The following RAB3C variants were observed in gnomAD, a reference collection of about 807,000 sequenced individuals.
The protein encoded by RAB3C is ras-related protein Rab-3C.
A neutral mutation model predicts 26.4 loss-of-function variants in RAB3C; 17 were observed. The observed-to-expected ratio is 0.64, with a 90% confidence interval of 0.44 to 0.97. RAB3C has a LOEUF of 0.97. RAB3C is among the 50% of genes least tolerant of loss of function. The pLI is 0.00. For missense variants in RAB3C, 242 were observed against 281.9 expected (o/e 0.86, Z 1.01); for synonymous variants, 91 against 95.9 (o/e 0.95, Z 0.30).
In RAB3C at chr5:58,583,127, G is replaced by T; in HGVS notation, c.-82G>T. 3 of 1,608,208 alleles carry T rather than the reference G, an allele frequency of 1.9e-6. No homozygotes were observed. The highest frequency in any genetic ancestry group is 2.2e-5 in the East Asian group (1 of 44,760). ...ACCCCAAGAGTGCAGAGTGTGGAGC[G>T]TGGAGCGCCGGGACTGTGCACGCTT... On this transcript the variant is annotated 5_prime_UTR_variant, in exon 1 of 5. Coordinates refer to ENST00000282878, the MANE Select transcript of RAB3C (RefSeq NM_138453.4).
chr5:58,720,511 C>T (rs1054730338), intron 2 of RAB3C, among the ~76,000 whole-genome samples: 1 of 151,840 alleles, frequency 6.6e-6, no homozygotes, highest in Non-Finnish European at 1.5e-5. Flanking sequence ...TGCCTGAGTG[C>T]TCAATGACTA....
chr5:58,661,242 T>A (rs1484716478), intron 2 of RAB3C, among the ~76,000 whole-genome samples: 2 of 150,346 alleles, frequency 1.3e-5, no homozygotes, highest in Admixed American at 1.3e-4. Flanking sequence ...CTGCAGGTAT[T>A]ATTATACTCA....
intron 2 of RAB3C, among the ~76,000 whole-genome samples, chr5:58,620,117 C>A (rs1188587426): frequency 6.6e-6 from 1 of 152,156 alleles, no homozygotes; most frequent in East Asian, 1.9e-4. Flanking sequence ...GACAGTCAGG[C>A]CTGGGACCTC....
Position 58,856,184 on chromosome 5 carries a change from AC to A in RAB3C, c.*4834del, listed in dbSNP as rs755625293. The A allele has an allele frequency of 2.5e-4, 38 of 151,858 alleles. No individual in the cohort carries two copies. Among genetic ancestry groups the A allele is most frequent in the Admixed American group, 5.3e-4 (8 of 15,232 alleles). The allele number at this position is 151,858 out of a possible 1,614,324, so 9.4% of individuals were successfully genotyped here. A position where few individuals can be genotyped will look rare whatever the true frequency, so the allele number is the denominator to read the frequency against. ...ATGTTCCAGCTATAACTCACATCTTACTTATAAGGTCCATAAAATCGGTTCT... is the reference window on the plus strand; with the variant it reads ...ATGTTCCAGCTATAACTCACATCTTATTATAAGGTCCATAAAATCGGTTCT... On this transcript the variant is annotated 3_prime_UTR_variant, in exon 5 of 5. Coordinates refer to ENST00000282878, the MANE Select transcript of RAB3C (RefSeq NM_138453.4).
intron 1 of RAB3C, 176 bp from the exon 2 acceptor site, chr5:58,617,467 A>G (rs780862452): frequency 2.6e-6 from 2 of 770,174 alleles, no homozygotes; most frequent in Non-Finnish European, 4.8e-6. Context: ...CCAGCAGGGA[A>G]TTATTGCCAT....
At position 58,825,065 on chromosome 5, in the gene RAB3C, G is replaced by A; in HGVS notation, c.399G>A (p.Trp133Ter). The change falls in exon 4 of 5, where the codon TGG (tryptophan) becomes TGA (stop). Residue 133 changes from tryptophan (W) to a stop codon, truncating the protein, a stop_gained. Transcript: ENST00000282878. LOFTEE classifies it high-confidence loss of function. ...CAACTCAAATCAAAACATACTCTTG[G>A]GACAATGCCCAAGTTATTCTGGTTG... is the stretch of plus-strand genomic sequence containing the variant. ...DWSTQIKTYSWDNAQVILVGN... is the reference protein window; with the variant it reads ...DWSTQIKTYS 1 of 1,611,640 alleles carries A rather than the reference G, an allele frequency of 6.2e-7. No individual in the cohort carries two copies. The highest frequency in any genetic ancestry group is 8.5e-7 in the Non-Finnish European group (1 of 1,178,588).
At chr5:58,609,583 A>G (rs1458911251) in intron 1 of RAB3C, among the ~76,000 whole-genome samples, 1 of 152,160 alleles carries the variant, frequency 6.6e-6, no homozygotes, top group East Asian at 1.9e-4. Context: ...CACCTCTACT[A>G]AAGAAGCTAC....
intron 4 of RAB3C, among the ~76,000 whole-genome samples, chr5:58,849,754 T>C (rs1019828773): frequency 6.6e-6 from 1 of 152,238 alleles, no homozygotes; most frequent in South Asian, 2.1e-4. Context: ...TTGAACCAAA[T>C]AGTATAACGA....
chr5:58,644,084 G>T (rs1747468316), intron 2 of RAB3C, among the ~76,000 whole-genome samples: 1 of 152,176 alleles, frequency 6.6e-6, no homozygotes, highest in African/African-American at 2.4e-5. Flanking sequence ...GCCTCCCAAA[G>T]TGCTGAATTA....
intron 3 of RAB3C, among the ~76,000 whole-genome samples, chr5:58,737,443 AT>A (rs1561305262): frequency 0.068 from 2,695 of 39,522 alleles, 387 homozygotes; most frequent in Middle Eastern, 0.12. Context: ...ATATATATAT[AT>A]ATATAATTTA....
chr5:58,763,650 T>A (rs957448628), intron 3 of RAB3C, among the ~76,000 whole-genome samples: 9 of 152,180 alleles, frequency 5.9e-5, no homozygotes, highest in African/African-American at 2.2e-4. Flanking sequence ...TTACCACTCT[T>A]TCCACTCCCA....
chr5:58,671,559 T>TA (rs1388719299), intron 2 of RAB3C, among the ~76,000 whole-genome samples: 1 of 152,194 alleles, frequency 6.6e-6, no homozygotes, highest in Non-Finnish European at 1.5e-5. Context: ...ATTGTGCCCC[T>TA]AAAAATCACC....
At position 58,677,976 on chromosome 5, in the gene RAB3C, TTGTGTG is replaced by T. The variant is rs70973149; in HGVS notation, c.253-48005_253-48000del. Among the ~76,000 whole-genome samples the T allele has an allele frequency of 1.7e-4, 25 of 147,886 alleles. No individual in the cohort carries two copies. The South Asian group carries it at 4.8e-3, about 28-fold the overall frequency. ...ACTGGCAGGTAGTAGCTAGATTATT[TTGTGTG>T]TGTGTGTGTGTGTGTGTGTGCATGC... On this transcript the variant is annotated intron_variant, in intron 2 of 4. Transcript: ENST00000282878.
At chr5:58,615,789 T>C (rs2111718564) in intron 1 of RAB3C, among the ~76,000 whole-genome samples, 1 of 152,312 alleles carries the variant, frequency 6.6e-6, no homozygotes, top group South Asian at 2.1e-4. Flanking sequence ...TAAGAAAATG[T>C]AAAATGCAAT....
At chr5:58,818,043 TTC>T (rs931984778) in intron 3 of RAB3C, among the ~76,000 whole-genome samples, 20 of 152,322 alleles carry the variant, frequency 1.3e-4, no homozygotes, top group African/African-American at 4.8e-4. Context: ...GTGAGTCATA[TTC>T]TCTCTGATAC....
chr5:58,720,300 A>G (rs1240221399), intron 2 of RAB3C, among the ~76,000 whole-genome samples: 9 of 151,934 alleles, frequency 5.9e-5, no homozygotes, highest in African/African-American at 1.9e-4. Flanking sequence ...ATGTACAAAT[A>G]TGGTTAGAAT....
At chr5:58,781,393 C>T (rs922136241) in intron 3 of RAB3C, among the ~76,000 whole-genome samples, 4 of 152,030 alleles carry the variant, frequency 2.6e-5, no homozygotes, top group African/African-American at 9.7e-5. Flanking sequence ...TATTTCTGAG[C>T]ATTTCCTTTC....
intron 3 of RAB3C, among the ~76,000 whole-genome samples, chr5:58,823,929 T>C (rs527874841): frequency 1.4e-5 from 2 of 139,260 alleles, no homozygotes; most frequent in South Asian, 4.7e-4. Context: ...CCTGTGTCCA[T>C]GTGTTCTCAT....
intron 2 of RAB3C, among the ~76,000 whole-genome samples, chr5:58,712,988 G>A (rs1278013378): frequency 6.6e-6 from 1 of 152,016 alleles, no homozygotes; most frequent in African/African-American, 2.4e-5. Context: ...TGACATGAAG[G>A]GATCAAAAAC....
Sources: allele counts gnomAD v4.1 joint callset (sites outside exome capture counted in the v4.1 genomes callset), GRCh38; gene constraint gnomAD v4.1.1; transcripts MANE v1.5; gene names NCBI Gene and HGNC (gene_info 2026-07-23, HGNC 2026-07-21).